Variants in ARID4B observed in about 807,000 individuals in gnomAD.
The protein encoded by ARID4B is AT-rich interaction domain 4B, also known as AT-rich interactive domain-containing protein 4B.
Under a neutral mutation model 147.5 loss-of-function variants are expected in ARID4B, and 26 were observed. That is an observed-to-expected ratio of 0.18 (90% confidence interval 0.13 to 0.24). The LOEUF (loss-of-function observed/expected upper bound fraction) is 0.24. Ranked by LOEUF, ARID4B falls within the 10% of genes least tolerant of loss-of-function variation. The pLI is 1.00. For missense variants in ARID4B, 1,179 were observed against 1,511.5 expected, an observed-to-expected ratio of 0.78 and a Z score of 3.65; for synonymous variants, 512 against 507.9, an observed-to-expected ratio of 1.01 and a Z score of -0.11.
chr1:235,251,488 C>G (rs1296628215), intron 6 of ARID4B, among the ~76,000 whole-genome samples: 1 of 151,846 alleles, frequency 6.6e-6, no homozygotes, highest in African/African-American at 2.4e-5. Context: ...GAGAACCTGT[C>G]CAAATTCTAA....
intron 17 of ARID4B, among the ~76,000 whole-genome samples, chr1:235,196,447 A>G (rs186167822): frequency 5.3e-5 from 8 of 152,316 alleles, no homozygotes; most frequent in Admixed American, 3.3e-4. Flanking sequence ...TATTTTCTAC[A>G]TTTTGTTTTA....
intron 17 of ARID4B, among the ~76,000 whole-genome samples, chr1:235,208,873 A>G (rs1666508849): frequency 6.6e-6 from 1 of 152,178 alleles, no homozygotes; most frequent in Admixed American, 6.5e-5. Context: ...TGTTATTTTT[A>G]GAAGAGTTTA....
intron 2 of ARID4B, among the ~76,000 whole-genome samples, chr1:235,308,449 C>T (rs1673737691): frequency 6.8e-6 from 1 of 147,374 alleles, no homozygotes; most frequent in African/African-American, 2.6e-5. Flanking sequence ...CCCCCTCCCC[C>T]TCCCCCTCCC....
intron 23 of ARID4B, among the ~76,000 whole-genome samples, chr1:235,169,214 A>T (rs1467561229): frequency 6.6e-6 from 1 of 151,364 alleles, no homozygotes; most frequent in Admixed American, 6.6e-5. Context: ...GAAGTCTCTC[A>T]CTGTTTCCTT....
At chr1:235,290,047 C>A (rs1188853375) in intron 2 of ARID4B, among the ~76,000 whole-genome samples, 1 of 150,416 alleles carries the variant, frequency 6.6e-6, no homozygotes, top group African/African-American at 2.4e-5. Flanking sequence ...AAAAAAAAAA[C>A]CCACACCATT....
chr1:235,272,037 A>G (rs1671024102), intron 2 of ARID4B, among the ~76,000 whole-genome samples: 1 of 152,138 alleles, frequency 6.6e-6, no homozygotes, highest in Admixed American at 6.5e-5. Context: ...TATGATTTTG[A>G]AAGACGTCAT....
chr1:235,173,918 T>C, intron 22 of ARID4B, among the ~76,000 whole-genome samples: 1 of 149,278 alleles, frequency 6.7e-6, no homozygotes, highest in East Asian at 1.9e-4. Context: ...CCCCATGTAC[T>C]CATTATCCAG....
chr1:235,259,071 A>T (rs979417796), intron 3 of ARID4B, among the ~76,000 whole-genome samples: 2 of 152,226 alleles, frequency 1.3e-5, no homozygotes, highest in Non-Finnish European at 2.9e-5. Flanking sequence ...AATGGACATC[A>T]CCTCCACAGA....
intron 14 of ARID4B, among the ~76,000 whole-genome samples, chr1:235,221,248 C>G (rs1035401447): frequency 6.6e-6 from 1 of 152,216 alleles, no homozygotes; most frequent in Non-Finnish European, 1.5e-5. Flanking sequence ...GAATAAATAA[C>G]TGGCCCTAGG....
chr1:235,228,036 A>C (rs571574176), intron 11 of ARID4B, among the ~76,000 whole-genome samples: 63 of 151,950 alleles, frequency 4.1e-4, no homozygotes, highest in Middle Eastern at 6.8e-3. Flanking sequence ...GGGTTTCACC[A>C]TGTTAGCCAA....
rs752706090 is a variant in ARID4B at position 235,168,467 on chromosome 1, A to T, written c.*58T>A. On this transcript the variant is annotated 3_prime_UTR_variant, in exon 24 of 24. Transcript: ENST00000264183. Reference sequence around the variant, plus strand: ...ATTTTTTTGTGCCACTGTGCAGTATAAAAAAAAAGTGGCCCTCAACAGCCA... The same window carrying T: ...ATTTTTTTGTGCCACTGTGCAGTATTAAAAAAAAGTGGCCCTCAACAGCCA... 22 of 1,448,338 alleles carry T rather than the reference A, an allele frequency of 1.5e-5. No homozygotes were observed. The highest frequency in any genetic ancestry group is 2.0e-5 in the Non-Finnish European group (21 of 1,067,964). 89.7% of individuals were successfully genotyped at this position (1,448,338 alleles called of 1,614,324 possible).
At chr1:235,283,287 C>A (rs886588961) in intron 2 of ARID4B, among the ~76,000 whole-genome samples, 7 of 152,124 alleles carry the variant, frequency 4.6e-5, no homozygotes, top group African/African-American at 1.7e-4. Context: ...CATACCATAA[C>A]TGCCTTATCA....
At position 235,260,638 on chromosome 1, in the gene ARID4B, G is replaced by T; in HGVS notation, c.117+4C>A. ...ACAATTTATGAAATCTATAAATACT[G>T]TACCTTGACTTTGACAAGTCTTTTT... is the stretch of plus-strand genomic sequence containing the variant. On this transcript the variant is annotated splice_donor_region_variant and intron_variant, in intron 3 of 23. Coordinates refer to ENST00000264183, the MANE Select transcript of ARID4B (RefSeq NM_016374.6). The T allele has an allele frequency of 6.3e-7, 1 of 1,582,574 alleles. No individual in the cohort carries two copies. Among genetic ancestry groups the T allele is most frequent in the South Asian group, 1.1e-5 (1 of 88,022 alleles).
intron 7 of ARID4B, among the ~76,000 whole-genome samples, chr1:235,241,236 GA>G (rs749168497): frequency 6.4e-4 from 98 of 152,234 alleles, no homozygotes; most frequent in Non-Finnish European, 8.7e-4. Flanking sequence ...TAAAGACTAG[GA>G]AATGTTTGAT....
chr1:235,228,687 C>T (rs1227442167), intron 11 of ARID4B: 1 of 149,884 alleles, frequency 6.7e-6, no homozygotes, highest in Non-Finnish European at 1.5e-5. Flanking sequence ...GCTCTGTCGC[C>T]CAGGCTGGAG....
chr1:235,262,227 T>C (rs933966286), intron 2 of ARID4B, among the ~76,000 whole-genome samples: 34 of 152,260 alleles, frequency 2.2e-4, no homozygotes, highest in African/African-American at 7.9e-4. Flanking sequence ...GAGTAATCTA[T>C]TTCCCAAAGA....
chr1:235,272,091 T>C (rs1300212286), intron 2 of ARID4B, among the ~76,000 whole-genome samples: 2 of 152,166 alleles, frequency 1.3e-5, no homozygotes, highest in African/African-American at 4.8e-5. Context: ...ACCTATCAAT[T>C]ACTTGTCTAG....
At chr1:235,297,678 A>G (rs997486202) in intron 2 of ARID4B, among the ~76,000 whole-genome samples, 1 of 152,194 alleles carries the variant, frequency 6.6e-6, no homozygotes, top group East Asian at 1.9e-4. Flanking sequence ...GGTAACTAAT[A>G]GAAAGAATAC....
chr1:235,177,713 C>A (rs1299848257), intron 21 of ARID4B, 87 bp downstream of exon 21: 5 of 843,708 alleles, frequency 5.9e-6, no homozygotes, highest in Non-Finnish European at 9.3e-6. Flanking sequence ...AGTGTACTAT[C>A]CCATACCCTG....
Sources: allele counts gnomAD v4.1 joint callset (sites outside exome capture counted in the v4.1 genomes callset), GRCh38; gene constraint gnomAD v4.1.1; transcripts MANE v1.5; gene names NCBI Gene and HGNC (gene_info 2026-07-23, HGNC 2026-07-21).